TICAM2: variants seen among roughly 807,000 people sequenced by gnomAD.
The protein encoded by TICAM2 is TIR domain containing adaptor molecule 2.
A neutral mutation model predicts 7.3 loss-of-function variants in TICAM2; 8 were observed. The observed-to-expected ratio is 1.10, with a 90% CI of 0.65 to 1.99. The LOEUF is 1.99. Ranked by LOEUF, TICAM2 falls within the 30% of genes most tolerant of loss-of-function variation. The pLI, the probability that TICAM2 is intolerant of heterozygous loss-of-function variation, is 0.00. For missense variants in TICAM2, 304 were observed against 278.8 expected (o/e 1.09, Z -0.65); for synonymous variants, 113 against 99.6 (o/e 1.13, Z -0.80).
At chr5:115,599,530 T>C (rs1330014749) in intron 1 of TICAM2, among the ~76,000 whole-genome samples, 2 of 152,162 alleles carry the variant, frequency 1.3e-5, no homozygotes, top group African/African-American at 4.8e-5. Context: ...CAACCAACAA[T>C]GTTTTAAAGG....
chr5:115,591,610 T>G (rs1293420794), intron 1 of TICAM2, among the ~76,000 whole-genome samples: 1 of 151,950 alleles, frequency 6.6e-6, no homozygotes, highest in South Asian at 2.1e-4. Flanking sequence ...AATCTAAAAT[T>G]GAAAAATATA....
intron 1 of TICAM2, among the ~76,000 whole-genome samples, chr5:115,591,739 C>CA (rs1375544364): frequency 3.3e-5 from 5 of 150,744 alleles, no homozygotes; most frequent in Admixed American, 2.6e-4. Flanking sequence ...GGGAGAGAAA[C>CA]AAAAAAAGAA....
At chr5:115,582,393 G>A (rs945870991) in intron 1 of TICAM2, among the ~76,000 whole-genome samples, 2 of 142,418 alleles carry the variant, frequency 1.4e-5, no homozygotes, top group South Asian at 2.2e-4. Context: ...GGCTGGTCTC[G>A]AACTCCTGGG....
intron 1 of TICAM2, among the ~76,000 whole-genome samples, chr5:115,594,009 G>A (rs763400845): frequency 1.6e-4 from 25 of 152,066 alleles, no homozygotes; most frequent in Non-Finnish European, 3.2e-4. Flanking sequence ...TGCTCTATGC[G>A]CTTTTGTGTT....
chr5:115,582,082 C>T (rs1754944423), intron 1 of TICAM2, among the ~76,000 whole-genome samples: 1 of 152,158 alleles, frequency 6.6e-6, no homozygotes, highest in Non-Finnish European at 1.5e-5. Context: ...TTGAGACTTT[C>T]TCCAGTGAAA....
chr5:115,586,070 G>A (rs1213357984), intron 1 of TICAM2, among the ~76,000 whole-genome samples: 1 of 152,108 alleles, frequency 6.6e-6, no homozygotes, highest in Non-Finnish European at 1.5e-5. Context: ...GCAGGGAGAT[G>A]CATATTTGGC....
chr5:115,596,474 A>G (rs1408974824), intron 1 of TICAM2, among the ~76,000 whole-genome samples: 1 of 152,166 alleles, frequency 6.6e-6, no homozygotes, highest in Non-Finnish European at 1.5e-5. Context: ...CTCCCTGCAC[A>G]TGGGTCTTTA....
intron 1 of TICAM2, among the ~76,000 whole-genome samples, chr5:115,582,746 G>A (rs1041607588): frequency 2.0e-5 from 3 of 152,162 alleles, no homozygotes; most frequent in African/African-American, 7.2e-5. Flanking sequence ...TATGGGCAAA[G>A]GCCATACCTC....
chr5:115,589,479 T>C (rs1177306078), intron 1 of TICAM2, among the ~76,000 whole-genome samples: 1 of 152,252 alleles, frequency 6.6e-6, no homozygotes, highest in African/African-American at 2.4e-5. Flanking sequence ...GAGAATTGGC[T>C]GTCATTTGTT....
chr5:115,599,714 C>T (rs1755646443), intron 1 of TICAM2, among the ~76,000 whole-genome samples: 1 of 152,126 alleles, frequency 6.6e-6, no homozygotes, highest in South Asian at 2.1e-4. Flanking sequence ...ACACCAGCTG[C>T]AGGCAAAGGC....
rs1754842390 is a variant in TICAM2, at chr5:115,579,582, G to A, written c.*967C>T. The stretch of plus-strand genomic sequence containing the variant: ...CCTCTCTGGCTTGTTAGGAGCATGG[G>A]GCTCTAGAATAGGAGGTAATAAAAT... On this transcript the variant is annotated 3_prime_UTR_variant, in exon 2 of 2. Coordinates refer to ENST00000427199, the MANE Select transcript of TICAM2 (RefSeq NM_021649.7). The A allele has an allele frequency of 6.6e-6, 1 of 152,128 alleles. No homozygotes were observed. The highest frequency in any genetic ancestry group is 1.5e-5 in the Non-Finnish European group (1 of 68,028). The allele number at this position is 152,128 out of a possible 1,614,324, so 9.4% of individuals were successfully genotyped here.
At chr5:115,600,497 G>A (rs933940781) in intron 1 of TICAM2, among the ~76,000 whole-genome samples, 5 of 152,106 alleles carry the variant, frequency 3.3e-5, no homozygotes, top group African/African-American at 4.8e-5. Context: ...AAGATTTAGT[G>A]GTGGGGAAGC....
At chr5:115,595,750 T>G (rs1029829249) in intron 1 of TICAM2, among the ~76,000 whole-genome samples, 2 of 152,228 alleles carry the variant, frequency 1.3e-5, no homozygotes, top group South Asian at 2.1e-4. Flanking sequence ...AATATCCACC[T>G]ATTTACGGTT....
chr5:115,592,790 A>C (rs1017229798), intron 1 of TICAM2, among the ~76,000 whole-genome samples: 2 of 152,236 alleles, frequency 1.3e-5, no homozygotes, highest in Non-Finnish European at 2.9e-5. Context: ...AAAAAGGATA[A>C]TCCATCACAA....
At chr5:115,583,530 G>A (rs1176365043) in intron 1 of TICAM2, among the ~76,000 whole-genome samples, 3 of 152,136 alleles carry the variant, frequency 2.0e-5, no homozygotes, top group Admixed American at 6.5e-5. Flanking sequence ...TAATCAGACC[G>A]AGAGAAAAAA....
chr5:115,588,484 T>C (rs1755192589), intron 1 of TICAM2, among the ~76,000 whole-genome samples: 1 of 152,238 alleles, frequency 6.6e-6, no homozygotes, highest in Non-Finnish European at 1.5e-5. Context: ...TAGCATGCCA[T>C]TACAGCTATT....
At chr5:115,590,387 T>C (rs1755257694) in intron 1 of TICAM2, among the ~76,000 whole-genome samples, 2 of 152,260 alleles carry the variant, frequency 1.3e-5, no homozygotes, top group South Asian at 4.1e-4. Flanking sequence ...GATTACAAAG[T>C]AGACAAAAGG....
At chr5:115,598,574 C>G (rs1755597888) in intron 1 of TICAM2, among the ~76,000 whole-genome samples, 1 of 152,202 alleles carries the variant, frequency 6.6e-6, no homozygotes, top group African/African-American at 2.4e-5. Flanking sequence ...AATGAGTGCT[C>G]TGGCCAACAG....
chr5:115,598,891 T>C (rs1322975934), intron 1 of TICAM2, among the ~76,000 whole-genome samples: 1 of 152,080 alleles, frequency 6.6e-6, no homozygotes, highest in Non-Finnish European at 1.5e-5. Context: ...CTACACCTCT[T>C]CATAAAGATG....
Sources: gnomAD v4.1 joint callset for allele counts (sites outside exome capture counted in the v4.1 genomes callset) on GRCh38, gnomAD v4.1.1 for gene constraint, MANE v1.5 for transcripts, NCBI Gene and HGNC (gene_info 2026-07-23, HGNC 2026-07-21) for gene names.